Variants in LHX2 observed in about 807,000 individuals in gnomAD.
The protein encoded by LHX2 is LIM/homeobox protein Lhx2.
In LHX2, 6 loss-of-function variants were observed where a neutral mutation model predicts 33.0. The ratio of observed to expected loss-of-function variants is 0.18; its 90% CI spans 0.10 to 0.36. The LOEUF (loss-of-function observed/expected upper bound fraction) is 0.36. LHX2 is among the 10% of genes least tolerant of loss of function. LHX2 has a pLI of 1.00. For synonymous variants in LHX2, 292 were observed against 253.1 expected, an observed-to-expected ratio of 1.15 and a Z score of -1.46; for missense variants, 442 against 586.2, an observed-to-expected ratio of 0.75 and a Z score of 2.54.
chr9:124,025,760 G>A (rs1288873466), intron 4 of LHX2, among the ~76,000 whole-genome samples: 1 of 152,152 alleles, frequency 6.6e-6, no homozygotes, highest in Non-Finnish European at 1.5e-5. Context: ...GAAGTGGGCA[G>A]ATCACTTGAG....
At chr9:124,021,493 C>T (rs1467417745) in intron 4 of LHX2, among the ~76,000 whole-genome samples, 189 bp downstream of exon 4, 1 of 152,120 alleles carries the variant, frequency 6.6e-6, no homozygotes, top group Non-Finnish European at 1.5e-5. Context: ...TTTTTTCTTA[C>T]TTTGTCTTTT....
In LHX2 at chr9:124,021,105, G is replaced by A; in HGVS notation, c.734G>A (p.Ser245Asn). 1.2e-6 allele frequency: 2 copies of A among 1,614,052 alleles called. No individual in the cohort carries two copies. Among genetic ancestry groups the A allele is most frequent in the Non-Finnish European group, 1.7e-6 (2 of 1,180,022 alleles). ...ADLAAYNAALSCNENDAEHLD... is the reference protein window; with the variant it reads ...ADLAAYNAALNCNENDAEHLD... The stretch of plus-strand genomic sequence containing the variant: ...CTCTGTGTCTCCTCCCTAGCGCTAA[G>A]CTGCAACGAAAACGACGCAGAGCAC... Residue 245 changes from serine (S) to asparagine (N), a missense_variant, in exon 4 of 5, where the codon AGC (serine) becomes AAC (asparagine). This residue lies in a region of LHX2 where 132 missense variants were observed against 139.1 expected (regional missense o/e 0.95). Transcript: ENST00000373615.
At chr9:124,020,767 C>A (rs752983098) in intron 3 of LHX2, among the ~76,000 whole-genome samples, 17 of 152,318 alleles carry the variant, frequency 1.1e-4, no homozygotes, top group Non-Finnish European at 1.8e-4. Context: ...GGAGTTCAAT[C>A]GGCCATCAAC....
At chr9:124,018,575 C>T (rs535171910) in intron 3 of LHX2, among the ~76,000 whole-genome samples, 25 of 152,318 alleles carry the variant, frequency 1.6e-4, no homozygotes, top group Non-Finnish European at 3.4e-4. Context: ...GAAAAGGCCT[C>T]CCCCGCAGGG....
chr9:124,022,237 A>G (rs964075727), intron 4 of LHX2, among the ~76,000 whole-genome samples: 8 of 152,196 alleles, frequency 5.3e-5, no homozygotes, highest in African/African-American at 1.9e-4. Flanking sequence ...AAATGGATAC[A>G]ATAAATTATG....
chr9:124,029,726 A>G (rs10760309), intron 4 of LHX2, among the ~76,000 whole-genome samples: 63,470 of 152,054 alleles, frequency 0.42, 13,453 homozygotes, highest in Admixed American at 0.47. Flanking sequence ...TCCCCGCTCC[A>G]GCTACTGCTC....
At chr9:124,021,395 C>A in intron 4 of LHX2, 91 bp downstream of exon 4, 2 of 1,101,692 alleles carry the variant, frequency 1.8e-6, no homozygotes, top group Non-Finnish European at 2.6e-6. Context: ...GAAGGACCTT[C>A]CACCCTGTGT....
rs7859438 is a variant in LHX2, at chr9:124,020,569, G to A, written c.728-530G>A. Among the ~76,000 whole-genome samples, 840 of 152,246 alleles carry A rather than the reference G, an allele frequency of 5.5e-3. 7 individuals carry two copies. The highest frequency in any genetic ancestry group is 0.019 in the African/African-American group (802 of 41,548). On this transcript the variant is annotated intron_variant, in intron 3 of 4. Coordinates refer to ENST00000373615, the MANE Select transcript of LHX2 (RefSeq NM_004789.4). Reference sequence around the variant, plus strand: ...ACGGCAGAAAGCACTCCTCCTTAGAGTGCCTTGGAAAACAGGAGGAGGGCA... The same window carrying A: ...ACGGCAGAAAGCACTCCTCCTTAGAATGCCTTGGAAAACAGGAGGAGGGCA...
In LHX2 at chr9:124,012,832, G is replaced by T. The variant is rs1030383387; in HGVS notation, c.120+364G>T. ...CGGCTCCGGTTGCTGGCGGCGCCGCGAGCGGCGCCAGGGAAGGGCGAACCA... is the reference window on the plus strand; with the variant it reads ...CGGCTCCGGTTGCTGGCGGCGCCGCTAGCGGCGCCAGGGAAGGGCGAACCA... On this transcript the variant is annotated intron_variant, in intron 1 of 4. Transcript: ENST00000373615. The surrounding 1 kb of genome is among the most constrained non-coding windows in gnomAD (Gnocchi z 4.3). Among the ~76,000 whole-genome samples the T allele has an allele frequency of 6.6e-6, 1 of 152,208 alleles. No homozygotes were observed.
chr9:124,017,096 G>C (rs140596964), intron 3 of LHX2, among the ~76,000 whole-genome samples: 1,742 of 152,286 alleles, frequency 0.011, 31 homozygotes, highest in African/African-American at 0.04. Flanking sequence ...GCCGCCGTTT[G>C]CCCCAGCGAG....
chr9:124,032,112 C>T lies in LHX2; in HGVS notation c.934-308C>T. The T allele has an allele frequency of 3.2e-6, 1 of 315,746 alleles. No individual in the cohort carries two copies. The highest frequency in any genetic ancestry group is 5.7e-6 in the Non-Finnish European group (1 of 174,084). 19.6% of individuals were successfully genotyped at this position (315,746 alleles called of 1,614,324 possible). ...AAGTTAGCGGGGCCGGTGGTGCTCA[C>T]CTATCTATAGCCCCAGCTACCCAGG... is the stretch of plus-strand genomic sequence containing the variant. On this transcript the variant is annotated intron_variant, in intron 4 of 4. Transcript: ENST00000373615. This position sits in a 1 kb window ranked among gnomAD's most constrained non-coding sequence, Gnocchi z 4.1.
intron 4 of LHX2, among the ~76,000 whole-genome samples, chr9:124,029,428 C>T (rs1588352813): frequency 1.3e-5 from 2 of 152,196 alleles, no homozygotes; most frequent in South Asian, 4.1e-4. Context: ...TCTAGTGAAG[C>T]CCTGACAACA....
At chr9:124,022,186 G>A (rs114230472) in intron 4 of LHX2, among the ~76,000 whole-genome samples, 1,668 of 152,214 alleles carry the variant, frequency 0.011, 24 homozygotes, top group African/African-American at 0.039. Flanking sequence ...AGGGTCTTAG[G>A]CAAGTCACTT....
rs1410854360 is a variant in LHX2 at position 124,015,535 on chromosome 9, C to T, written c.727+10C>T. The T allele has an allele frequency of 4.1e-6, 6 of 1,454,092 alleles. No homozygotes were observed. Among genetic ancestry groups the T allele is most frequent in the Admixed American group, 5.7e-5 (2 of 35,086 alleles). 90.1% of individuals were successfully genotyped at this position (1,454,092 alleles called of 1,614,324 possible). ...GCGGCCTACAACGCTGGTGAGTGCG[C>T]GGCGCACGAAGCGCCCCCATAGGGT... On this transcript the variant is annotated intron_variant, in intron 3 of 4. Transcript: ENST00000373615. The surrounding 1 kb of genome is among the most constrained non-coding windows in gnomAD (Gnocchi z 7.9).
In LHX2 at chr9:124,032,984, G is replaced by C; in HGVS notation, c.*277G>C. The C allele has an allele frequency of 3.3e-6, 1 of 307,522 alleles. No homozygotes were observed. The highest frequency in any genetic ancestry group is 5.9e-6 in the Non-Finnish European group (1 of 169,284). 19.0% of individuals were successfully genotyped at this position (307,522 alleles called of 1,614,324 possible). On this transcript the variant is annotated 3_prime_UTR_variant, in exon 5 of 5. Coordinates refer to ENST00000373615, the MANE Select transcript of LHX2 (RefSeq NM_004789.4). The surrounding 1 kb of genome is among the most constrained non-coding windows in gnomAD (Gnocchi z 4.1). ...AACAACAAATAATTTAAGTTGGCTA[G>C]AGCTTCTGTATTTTCAAAGACTGCC...
chr9:124,013,250 C>T (rs1179481755), intron 1 of LHX2, among the ~76,000 whole-genome samples: 4 of 152,260 alleles, frequency 2.6e-5, no homozygotes, highest in East Asian at 1.9e-4. Flanking sequence ...GCAGGAGCAG[C>T]GGCGCCAGTG....
At chr9:124,022,253 G>A (rs985979145) in intron 4 of LHX2, among the ~76,000 whole-genome samples, 6 of 152,134 alleles carry the variant, frequency 3.9e-5, no homozygotes, top group African/African-American at 9.7e-5. Flanking sequence ...TTATGCTGCC[G>A]GGTTATCCAA....
intron 4 of LHX2, among the ~76,000 whole-genome samples, chr9:124,024,346 A>T (rs949360970): frequency 6.6e-6 from 1 of 152,280 alleles, no homozygotes; most frequent in African/African-American, 2.4e-5. Flanking sequence ...GCTGCTGGAT[A>T]CAGGAGCCAG....
Position 124,015,332 on chromosome 9 carries a change from C to G in LHX2, c.534C>G (p.Pro178=). 2.5e-6 allele frequency: 4 copies of G among 1,613,782 alleles called. No individual in the cohort carries two copies. The highest frequency in any genetic ancestry group is 3.4e-6 in the Non-Finnish European group (4 of 1,180,026). The change falls in exon 3 of 5, where the codon CCC becomes CCG. Residue 178 remains proline (P), a synonymous_variant. Coordinates refer to ENST00000373615, the MANE Select transcript of LHX2 (RefSeq NM_004789.4). This position sits in a 1 kb window ranked among gnomAD's most constrained non-coding sequence, Gnocchi z 7.9. ...HFEALLQGEY[P]AHFNHADVAA... Reference sequence around the variant, plus strand: ...AGGCGCTGCTGCAGGGCGAGTACCCCGCACACTTCAACCATGCCGACGTGG... The same window carrying G: ...AGGCGCTGCTGCAGGGCGAGTACCCGGCACACTTCAACCATGCCGACGTGG...
Sources: gnomAD v4.1 joint callset for allele counts (sites outside exome capture counted in the v4.1 genomes callset) on GRCh38, gnomAD v4.1.1 for gene constraint, gnomAD v4.1.1 regional missense constraint, Gnocchi (gnomAD v3.1) non-coding constraint, MANE v1.5 for transcripts, NCBI Gene and HGNC (gene_info 2026-07-23, HGNC 2026-07-21) for gene names.